UHRF2: variants seen among roughly 807,000 people sequenced by gnomAD.
UHRF2 encodes the protein ubiquitin like with PHD and ring finger domains 2.
Under a neutral mutation model 96.8 loss-of-function variants are expected in UHRF2, and 23 were observed. The ratio of observed to expected loss-of-function variants is 0.24; its 90% CI spans 0.17 to 0.34. The LOEUF (loss-of-function observed/expected upper bound fraction) is 0.34. Among genes scored for constraint, UHRF2 ranks in the 10% least tolerant of loss-of-function variants. The pLI, the probability that UHRF2 is intolerant of heterozygous loss-of-function variation, is 1.00. For synonymous variants in UHRF2, 385 were observed against 332.6 expected, an observed-to-expected ratio of 1.16 and a Z score of -1.72; for missense variants, 685 against 981.5, an observed-to-expected ratio of 0.70 and a Z score of 4.04.
intron 15 of UHRF2, among the ~76,000 whole-genome samples, chr9:6,505,437 A>G (rs2130982451): frequency 6.6e-6 from 1 of 152,252 alleles, no homozygotes; most frequent in Non-Finnish European, 1.5e-5. Context: ...CTGGGAGTAC[A>G]AGCATGCACC....
intron 3 of UHRF2, among the ~76,000 whole-genome samples, chr9:6,454,033 C>G (rs902118345): frequency 6.6e-6 from 1 of 152,160 alleles, no homozygotes; most frequent in Admixed American, 6.6e-5. Context: ...ATTTACTTTA[C>G]CCCCATTATG....
chr9:6,486,718 C>CA (rs1824311133), intron 8 of UHRF2, 103 bp from the exon 9 acceptor site: 1 of 1,059,790 alleles, frequency 9.4e-7, no homozygotes, highest in Admixed American at 2.4e-5. Context: ...CTGTGAGACT[C>CA]ACTTCTTGGG....
intron 9 of UHRF2, among the ~76,000 whole-genome samples, chr9:6,489,801 C>T (rs1824550593): frequency 6.8e-6 from 1 of 146,156 alleles, no homozygotes; most frequent in South Asian, 2.3e-4. Flanking sequence ...TGGATTGTTA[C>T]AAAGATGAAT....
At position 6,481,624 on chromosome 9, in the gene UHRF2, TC is replaced by T; in HGVS notation, c.1161-18del. 6.2e-7 allele frequency: 1 copy of T among 1,604,476 alleles called. No homozygotes were observed. Among genetic ancestry groups the T allele is most frequent in the Non-Finnish European group, 8.5e-7 (1 of 1,177,484 alleles). On this transcript the variant is annotated intron_variant, in intron 6 of 15. Transcript: ENST00000276893. ...TATGGTATTGTGAAAATGCCTTCGT[TC>T]TTTTTTTTCTTTTAAAGGTATTGTC...
chr9:6,455,790 G>GC (rs35656211), intron 3 of UHRF2, among the ~76,000 whole-genome samples: 113,303 of 151,760 alleles, frequency 0.75, 42,520 homozygotes, highest in East Asian at 0.86. Context: ...TCTGAGACCA[G>GC]CTGGGCAACA....
At chr9:6,469,019 A>G (rs1009869707) in intron 4 of UHRF2, among the ~76,000 whole-genome samples, 3 of 151,678 alleles carry the variant, frequency 2.0e-5, no homozygotes, top group Admixed American at 6.5e-5. Context: ...GTGCCACATA[A>G]TCAGAAAACA....
chr9:6,441,222 A>AT (rs1193591714), intron 3 of UHRF2, among the ~76,000 whole-genome samples: 1 of 152,022 alleles, frequency 6.6e-6, no homozygotes, highest in Non-Finnish European at 1.5e-5. Context: ...CTACAAAAAA[A>AT]ACTCAGCCAC....
At chr9:6,482,177 A>C in intron 8 of UHRF2, 78 bp downstream of exon 8, 4 of 1,153,944 alleles carry the variant, frequency 3.5e-6, no homozygotes, top group Non-Finnish European at 5.2e-6. Context: ...TGTTGATTGT[A>C]AGTGAACCTA....
chr9:6,481,095 A>G (rs1475713726), intron 6 of UHRF2, among the ~76,000 whole-genome samples: 2 of 152,226 alleles, frequency 1.3e-5, no homozygotes, highest in Non-Finnish European at 2.9e-5. Context: ...ACGAAATACA[A>G]GTTACAGTAG....
At chr9:6,481,428 A>G (rs983143033) in intron 6 of UHRF2, among the ~76,000 whole-genome samples, 3 of 152,198 alleles carry the variant, frequency 2.0e-5, no homozygotes, top group Admixed American at 6.5e-5. Flanking sequence ...TTGAGGATTT[A>G]TAAGTTATCT....
chr9:6,477,768 C>T lies in UHRF2; in HGVS notation c.1120C>T (p.Leu374=), dbSNP rs746830580. The T allele has an allele frequency of 6.2e-7, 1 of 1,612,366 alleles. No individual in the cohort carries two copies. Among genetic ancestry groups the T allele is most frequent in the South Asian group, 1.1e-5 (1 of 90,738 alleles). The change falls in exon 6 of 16, where the codon CTG becomes TTG. Residue 374 remains leucine, a synonymous_variant. Coordinates refer to ENST00000276893, the MANE Select transcript of UHRF2 (RefSeq NM_152896.3). The part of the protein sequence containing the change: ...ECNVAYHIYC[L]NPPLDKVPEE... Reference sequence around the variant, plus strand: ...TAATGTGGCTTATCATATTTACTGTCTGAATCCACCTTTGGATAAAGTCCC... The same window carrying T: ...TAATGTGGCTTATCATATTTACTGTTTGAATCCACCTTTGGATAAAGTCCC...
intron 3 of UHRF2, among the ~76,000 whole-genome samples, chr9:6,445,981 C>CTTTGTTTTTTTTTTTTTTTTTTTT (rs751155835): frequency 2.0e-4 from 16 of 78,900 alleles, no homozygotes; most frequent in African/African-American, 7.9e-4. Context: ...CCCCGCCACC[C>CTTTGTTTTTTTTTTTTTTTTTTTT]TTTTTTTTTT....
At chr9:6,464,120 G>C (rs1051228812) in intron 4 of UHRF2, among the ~76,000 whole-genome samples, 3 of 152,172 alleles carry the variant, frequency 2.0e-5, no homozygotes, top group African/African-American at 7.2e-5. Context: ...TCAGACTTCA[G>C]TTTCCACTAA....
chr9:6,501,637 T>C (rs771416958), intron 14 of UHRF2, among the ~76,000 whole-genome samples: 1 of 152,222 alleles, frequency 6.6e-6, no homozygotes, highest in Non-Finnish European at 1.5e-5. Context: ...ATGTGATACA[T>C]TGAGTTATCT....
intron 5 of UHRF2, among the ~76,000 whole-genome samples, 169 bp downstream of exon 5, chr9:6,475,669 C>A (rs911211078): frequency 2.0e-5 from 3 of 152,072 alleles, no homozygotes; most frequent in Middle Eastern, 6.8e-3. Context: ...ATGAATTTTT[C>A]CTAAATGATT....
intron 4 of UHRF2, among the ~76,000 whole-genome samples, chr9:6,474,059 T>C (rs1823413290): frequency 6.6e-6 from 1 of 152,142 alleles, no homozygotes; most frequent in African/African-American, 2.4e-5. Flanking sequence ...ACAAGTGACA[T>C]GAAAAAAATT....
At chr9:6,452,834 C>G (rs967223319) in intron 3 of UHRF2, among the ~76,000 whole-genome samples, 17 of 152,106 alleles carry the variant, frequency 1.1e-4, no homozygotes, top group African/African-American at 4.1e-4. Context: ...TTATATGAAT[C>G]TGAAAAGTTT....
At chr9:6,432,593 C>G (rs1820616975) in intron 2 of UHRF2, among the ~76,000 whole-genome samples, 2 of 152,274 alleles carry the variant, frequency 1.3e-5, no homozygotes, top group South Asian at 2.1e-4. Context: ...AGGAATTAAA[C>G]TTCTTAGGGT....
At chr9:6,429,354 T>C (rs912925374) in intron 2 of UHRF2, among the ~76,000 whole-genome samples, 1 of 152,230 alleles carries the variant, frequency 6.6e-6, no homozygotes, top group Non-Finnish European at 1.5e-5. Context: ...TATGTAATGG[T>C]AAACAGCTAA....
Sources: allele counts gnomAD v4.1 joint callset (sites outside exome capture counted in the v4.1 genomes callset), GRCh38; gene constraint gnomAD v4.1.1; transcripts MANE v1.5; gene names NCBI Gene and HGNC (gene_info 2026-07-23, HGNC 2026-07-21).